Variants in CWC27 observed in about 807,000 individuals in gnomAD.
The protein encoded by CWC27 is CWC27 spliceosome associated cyclophilin, also known as spliceosome-associated protein CWC27 homolog.
In CWC27, 47 loss-of-function variants were observed where a neutral mutation model predicts 63.6. The observed-to-expected ratio is 0.74, with a 90% CI of 0.58 to 0.94. CWC27 has a LOEUF of 0.94. Among genes scored for constraint, CWC27 ranks in the 40% least tolerant of loss-of-function variants. CWC27 has a pLI of 0.00. For synonymous variants in CWC27, 175 were observed against 179.8 expected (o/e 0.97, Z 0.22); for missense variants, 495 against 554.3 (o/e 0.89, Z 1.07).
chr5:64,861,194 A>G (rs1746404500), intron 10 of CWC27, among the ~76,000 whole-genome samples: 1 of 151,894 alleles, frequency 6.6e-6, no homozygotes, highest in South Asian at 2.1e-4. Flanking sequence ...TCGGTTTCTA[A>G]GAAGACATAT....
rs774513522 is a variant in CWC27 at position 64,807,785 on chromosome 5, T to C, written c.938+3399T>C. The C allele has an allele frequency of 5.2e-6, 8 of 1,535,550 alleles. No individual in the cohort carries two copies. In the South Asian group the frequency reaches 9.5e-5, roughly 18 times the overall value. On this transcript the variant is annotated intron_variant, in intron 10 of 13. Transcript: ENST00000381070. Reference sequence around the variant, plus strand: ...AAACTCACTCAACGGATCACCTGGCTGCTTGTTTTTTTATGAAATGAGAGT... The same window carrying C: ...AAACTCACTCAACGGATCACCTGGCCGCTTGTTTTTTTATGAAATGAGAGT...
intron 13 of CWC27, among the ~76,000 whole-genome samples, chr5:64,989,998 G>C (rs1393766450): frequency 6.6e-6 from 1 of 151,886 alleles, no homozygotes; most frequent in African/African-American, 2.4e-5. Context: ...GTAGTTCATG[G>C]AGTCAAAAGG....
chr5:64,908,258 T>C (rs891542455), intron 11 of CWC27, among the ~76,000 whole-genome samples: 5 of 152,220 alleles, frequency 3.3e-5, no homozygotes, highest in Non-Finnish European at 7.3e-5. Flanking sequence ...GACAGTTTGT[T>C]GTGATTTCTG....
intron 13 of CWC27, among the ~76,000 whole-genome samples, chr5:64,991,393 TAAC>T (rs1316021086): frequency 7.9e-5 from 12 of 152,152 alleles, no homozygotes; most frequent in East Asian, 1.9e-4. Context: ...ATTGTTTGTT[TAAC>T]TCAAGTTGGA....
intron 11 of CWC27, among the ~76,000 whole-genome samples, chr5:64,939,606 T>A (rs536602374): frequency 1.3e-5 from 2 of 152,344 alleles, no homozygotes; most frequent in East Asian, 3.9e-4. Flanking sequence ...AGGGACCCAC[T>A]TGAGGAGGCA....
At chr5:64,883,902 A>G (rs1747004392) in intron 10 of CWC27, among the ~76,000 whole-genome samples, 1 of 152,142 alleles carries the variant, frequency 6.6e-6, no homozygotes, top group African/African-American at 2.4e-5. Context: ...GAGAGAAGAT[A>G]ATTTCTATAA....
rs572553386 is a variant in CWC27 at position 64,903,661 on chromosome 5, TCTG to T, written c.1042+18117_1042+18119del. ...ATATCTATGTAACAAACCTGCATGT[TCTG>T]CACATGTACCCTAGAACTTAAAATA... On this transcript the variant is annotated intron_variant, in intron 11 of 13. Transcript: ENST00000381070. 1.0e-3 allele frequency among the ~76,000 whole-genome samples: 158 copies of T among 152,168 alleles called. 1 individual carries two copies. Among genetic ancestry groups the T allele is most frequent in the African/African-American group, 3.5e-3 (147 of 41,500 alleles).
intron 10 of CWC27, among the ~76,000 whole-genome samples, chr5:64,812,234 C>A (rs1040722820): frequency 6.6e-6 from 1 of 151,812 alleles, no homozygotes; most frequent in South Asian, 2.1e-4. Flanking sequence ...TTAAAAAAAA[C>A]AGGTTAGTAA....
At position 64,804,362 on chromosome 5, in the gene CWC27, TGGA is replaced by T. The variant is rs1340618427; in HGVS notation, c.916_918del (p.Glu306del). On this transcript the variant is annotated inframe_deletion, in exon 10 of 14. Coordinates refer to ENST00000381070, the MANE Select transcript of CWC27 (RefSeq NM_005869.4). ...GTTAAATCAGCTGGAGAAGGAGAAG[TGGA>T]GAAGAAATCAGTCAGCCGCAGGTGA... 3.1e-6 allele frequency: 5 copies of T among 1,607,814 alleles called. No individual in the cohort carries two copies. The highest frequency in any genetic ancestry group is 4.2e-6 in the Non-Finnish European group (5 of 1,176,646).
chr5:64,769,199 C>T lies in CWC27; in HGVS notation c.42+11C>T, dbSNP rs1743148119. 6.2e-7 allele frequency: 1 copy of T among 1,613,740 alleles called. No individual in the cohort carries two copies. Among genetic ancestry groups the T allele is most frequent in the Non-Finnish European group, 8.5e-7 (1 of 1,179,714 alleles). On this transcript the variant is annotated intron_variant, in intron 1 of 13. Transcript: ENST00000381070. ...CCCACGAATGGGAAGGTGAGAGCCT[C>T]ATCTAGGGAACTTGGGGTCCTGGGA... is the stretch of plus-strand genomic sequence containing the variant.
rs748863764 is a variant in CWC27 at position 64,780,065 on chromosome 5, C to T, written c.140-1856C>T. Among the ~76,000 whole-genome samples, 7 of 152,070 alleles carry T rather than the reference C, an allele frequency of 4.6e-5. No individual in the cohort carries two copies. The South Asian group carries it at 6.2e-4, about 14-fold the overall frequency. ...CAGTGTGAGAATGGACTAATATACC[C>T]CTCCTCCACCCACAGCCCCCAGCAA... On this transcript the variant is annotated intron_variant, in intron 2 of 13. Transcript: ENST00000381070.
intron 12 of CWC27, among the ~76,000 whole-genome samples, chr5:64,974,074 G>GAA (rs777922530): frequency 6.2e-5 from 8 of 129,600 alleles, no homozygotes; most frequent in Admixed American, 7.8e-5. Context: ...CATCTCTACA[G>GAA]AAAAAAAAAA....
At chr5:64,923,231 G>A (rs189077696) in intron 11 of CWC27, among the ~76,000 whole-genome samples, 19 of 152,262 alleles carry the variant, frequency 1.2e-4, no homozygotes, top group Admixed American at 3.3e-4. Flanking sequence ...AGTCACTGGC[G>A]AAAGCACTCT....
rs577563549 is a variant in CWC27, at chr5:65,007,879, C to T, written c.1257-10280C>T. On this transcript the variant is annotated intron_variant, in intron 13 of 13. Transcript: ENST00000381070. ...TCCTGACCTCGTGATCCGCCCGCCT[C>T]GGCCTCCCAAAGTGCTGGGATTACA... Among the ~76,000 whole-genome samples, 126 of 152,270 alleles carry T rather than the reference C, an allele frequency of 8.3e-4. No individual in the cohort carries two copies. In the South Asian group the frequency reaches 0.01, roughly 12 times the overall value.
chr5:64,933,748 C>T (rs999952570), intron 11 of CWC27, among the ~76,000 whole-genome samples: 1 of 152,186 alleles, frequency 6.6e-6, no homozygotes, highest in Non-Finnish European at 1.5e-5. Context: ...ACCTCTGCCT[C>T]CCAAAGTGCT....
chr5:64,841,880 A>G (rs1291731567), intron 10 of CWC27, among the ~76,000 whole-genome samples: 2 of 151,936 alleles, frequency 1.3e-5, no homozygotes, highest in African/African-American at 2.4e-5. Flanking sequence ...GGGTTTCTCC[A>G]TGTTGGTCAG....
At chr5:64,785,918 A>C (rs1743866306) in intron 5 of CWC27, among the ~76,000 whole-genome samples, 1 of 152,092 alleles carries the variant, frequency 6.6e-6, no homozygotes, top group Non-Finnish European at 1.5e-5. Flanking sequence ...TAATCTCAGC[A>C]CTTTGGGATG....
intron 10 of CWC27, among the ~76,000 whole-genome samples, chr5:64,813,650 A>G (rs548019163): frequency 6.6e-6 from 1 of 152,322 alleles, no homozygotes; most frequent in African/African-American, 2.4e-5. Flanking sequence ...TAGATTTGAC[A>G]TTATGTGCAG....
At chr5:64,969,526 C>T (rs1749079823) in intron 11 of CWC27, among the ~76,000 whole-genome samples, 1 of 152,098 alleles carries the variant, frequency 6.6e-6, no homozygotes, top group South Asian at 2.1e-4. Context: ...CCTACACCTT[C>T]TTATTTTCCC....
Sources: allele counts gnomAD v4.1 joint callset (sites outside exome capture counted in the v4.1 genomes callset), GRCh38; gene constraint gnomAD v4.1.1; transcripts MANE v1.5; gene names NCBI Gene and HGNC (gene_info 2026-07-23, HGNC 2026-07-21).